The following NPFFR2 variants were observed in gnomAD, a reference collection of about 807,000 sequenced individuals.
NPFFR2 encodes neuropeptide FF receptor 2.
A neutral mutation model predicts 13.1 loss-of-function variants in NPFFR2; 15 were observed. The observed-to-expected ratio is 1.15, with a 90% CI of 0.77 to 1.76. The LOEUF (loss-of-function observed/expected upper bound fraction) is 1.76. NPFFR2 is among the 40% of genes most tolerant of loss of function. NPFFR2 has a pLI of 0.00. For synonymous variants in NPFFR2, 190 were observed against 175.7 expected, an observed-to-expected ratio of 1.08 and a Z score of -0.65; for missense variants, 572 against 503.5, an observed-to-expected ratio of 1.14 and a Z score of -1.30.
intron 1 of NPFFR2, among the ~76,000 whole-genome samples, chr4:72,051,140 G>A (rs1206321733): frequency 4.0e-5 from 6 of 151,812 alleles, no homozygotes; most frequent in Admixed American, 3.9e-4. Flanking sequence ...TAATGGGATG[G>A]CTGGGTCAAA....
At chr4:72,068,765 A>G (rs558430137) in intron 1 of NPFFR2, 31 of 316,660 alleles carry the variant, frequency 9.8e-5, no homozygotes, top group African/African-American at 6.2e-4. Context: ...GACCGCATAG[A>G]ATAACGGTTC....
chr4:72,088,540 A>G (rs1025769667), intron 1 of NPFFR2, among the ~76,000 whole-genome samples: 1 of 152,124 alleles, frequency 6.6e-6, no homozygotes, highest in African/African-American at 2.4e-5. Context: ...GATTTGAAGA[A>G]TTGTATTTCT....
chr4:72,139,942 G>T (rs1722549661), intron 3 of NPFFR2, among the ~76,000 whole-genome samples: 1 of 152,096 alleles, frequency 6.6e-6, no homozygotes, highest in Admixed American at 6.6e-5. Context: ...TTGAGCAGTG[G>T]TTTGTAGTTC....
At chr4:72,032,519 T>C (rs759335511) in intron 1 of NPFFR2, among the ~76,000 whole-genome samples, 4 of 152,208 alleles carry the variant, frequency 2.6e-5, no homozygotes, top group African/African-American at 7.2e-5. Context: ...GTTGTAACTT[T>C]GTTGAATTTC....
At chr4:72,111,467 C>G (rs114850563) in intron 1 of NPFFR2, among the ~76,000 whole-genome samples, 2,714 of 152,044 alleles carry the variant, frequency 0.018, 87 homozygotes, top group African/African-American at 0.062. Context: ...GCAATTAGGA[C>G]AACTACTTGT....
intron 1 of NPFFR2, among the ~76,000 whole-genome samples, chr4:72,096,959 A>C (rs1721091311): frequency 6.6e-6 from 1 of 152,026 alleles, no homozygotes; most frequent in East Asian, 1.9e-4. Flanking sequence ...TAAAAGTTTA[A>C]GTTGTTCTAT....
intron 1 of NPFFR2, among the ~76,000 whole-genome samples, chr4:72,119,371 A>G (rs74778730): frequency 0.032 from 4,816 of 152,318 alleles, 117 homozygotes; most frequent in Admixed American, 0.052. Context: ...CTTTGTAGTT[A>G]TATATACACT....
At chr4:72,051,927 C>T (rs865885034) in intron 1 of NPFFR2, among the ~76,000 whole-genome samples, 24 of 142,586 alleles carry the variant, frequency 1.7e-4, no homozygotes, top group South Asian at 9.6e-4. Context: ...CACATACACT[C>T]TCCCAAGACT....
chr4:72,095,472 C>T (rs1182028701), intron 1 of NPFFR2, among the ~76,000 whole-genome samples: 2 of 152,100 alleles, frequency 1.3e-5, no homozygotes, highest in Admixed American at 6.6e-5. Context: ...GAATATATCA[C>T]TATGAACAGA....
intron 1 of NPFFR2, among the ~76,000 whole-genome samples, chr4:72,088,370 G>A (rs10015303): frequency 6.6e-6 from 1 of 151,820 alleles, no homozygotes; most frequent in African/African-American, 2.4e-5. Flanking sequence ...ACCTTTAAGG[G>A]AAGATGAATT....
chr4:72,068,790 G>T, intron 1 of NPFFR2: 1 of 363,108 alleles, frequency 2.8e-6, no homozygotes, highest in Non-Finnish European at 5.0e-6. Flanking sequence ...CTAGAGAATA[G>T]AACTTAATAA....
intron 1 of NPFFR2, among the ~76,000 whole-genome samples, chr4:72,092,863 CTA>C (rs1268994936): frequency 3.3e-5 from 5 of 152,106 alleles, no homozygotes; most frequent in South Asian, 2.1e-4. Flanking sequence ...ATGTGAGACT[CTA>C]GTCAATTCAT....
Position 72,129,007 on chromosome 4 carries a change from T to C in NPFFR2, c.328+88T>C, listed in dbSNP as rs569165370. 1.5e-5 allele frequency: 15 copies of C among 1,009,574 alleles called. No homozygotes were observed. The African/African-American group carries it at 2.1e-4, about 14-fold the overall frequency. 62.5% of individuals were successfully genotyped at this position (1,009,574 alleles called of 1,614,324 possible). On this transcript the variant is annotated intron_variant, in intron 2 of 3. Transcript: ENST00000308744. ...ATTGGCAGGGCTGTTCATTCATTCATTTATTTACATATATTTATGGAATTC... is the reference window on the plus strand; with the variant it reads ...ATTGGCAGGGCTGTTCATTCATTCACTTATTTACATATATTTATGGAATTC...
chr4:72,135,818 GT>G (rs59437428), intron 2 of NPFFR2, among the ~76,000 whole-genome samples: 37,901 of 146,320 alleles, frequency 0.26, 5,927 homozygotes, highest in Non-Finnish European at 0.35. Flanking sequence ...GTTTTAATTT[GT>G]TTTTTTTTTA....
chr4:72,064,984 A>G (rs575707628), intron 1 of NPFFR2, among the ~76,000 whole-genome samples: 29 of 152,210 alleles, frequency 1.9e-4, no homozygotes, highest in African/African-American at 6.5e-4. Context: ...CAAATATGAA[A>G]AGAGAAAAGA....
intron 1 of NPFFR2, among the ~76,000 whole-genome samples, chr4:72,100,872 G>A (rs1402381610): frequency 6.6e-6 from 1 of 151,948 alleles, no homozygotes; most frequent in African/African-American, 2.4e-5. Context: ...GCAAGAAAAG[G>A]ATGATTTATT....
intron 3 of NPFFR2, among the ~76,000 whole-genome samples, chr4:72,139,855 G>C (rs188443676): frequency 6.6e-6 from 1 of 152,152 alleles, no homozygotes; most frequent in Non-Finnish European, 1.5e-5. Context: ...GGGCAGTATG[G>C]TCATTTTCAC....
chr4:72,046,494 T>A (rs1020938183), intron 1 of NPFFR2, among the ~76,000 whole-genome samples: 1 of 152,158 alleles, frequency 6.6e-6, no homozygotes, highest in African/African-American at 2.4e-5. Flanking sequence ...ACCATCCTCT[T>A]GGACTTCCCA....
At chr4:72,132,338 C>T (rs1188856615) in intron 2 of NPFFR2, among the ~76,000 whole-genome samples, 2 of 152,170 alleles carry the variant, frequency 1.3e-5, no homozygotes, top group Admixed American at 6.5e-5. Flanking sequence ...CTCATTCTTT[C>T]TTATGGCTAC....
Sources: gnomAD v4.1 joint callset for allele counts (sites outside exome capture counted in the v4.1 genomes callset) on GRCh38, gnomAD v4.1.1 for gene constraint, MANE v1.5 for transcripts, NCBI Gene and HGNC (gene_info 2026-07-23, HGNC 2026-07-21) for gene names.